PDE1A: variants seen among roughly 807,000 people sequenced by gnomAD.
PDE1A encodes phosphodiesterase 1A.
In PDE1A, 35 loss-of-function variants were observed where a neutral mutation model predicts 61.7. That is an observed-to-expected ratio of 0.57 (90% CI 0.43 to 0.75). The LOEUF is 0.75. Among genes scored for constraint, PDE1A ranks in the 30% least tolerant of loss-of-function variants. The pLI, the probability that PDE1A is intolerant of heterozygous loss-of-function variation, is 0.00. For missense variants in PDE1A, 597 were observed against 630.6 expected, an observed-to-expected ratio of 0.95 and a Z score of 0.57; for synonymous variants, 232 against 213.2, an observed-to-expected ratio of 1.09 and a Z score of -0.77.
intron 8 of PDE1A, among the ~76,000 whole-genome samples, chr2:182,204,785 C>T (rs1431255859): frequency 1.3e-5 from 2 of 152,062 alleles, no homozygotes; most frequent in African/African-American, 4.8e-5. Context: ...AATGGGGGTG[C>T]CCCAACCCCT....
At chr2:182,383,954 G>A (rs1574506994) in intron 1 of PDE1A, among the ~76,000 whole-genome samples, 3 of 152,170 alleles carry the variant, frequency 2.0e-5, no homozygotes, top group African/African-American at 7.2e-5. Flanking sequence ...CATACTCCGT[G>A]ATGGTACTTT....
chr2:182,542,123 GATT>G, the PDE1A span, among the ~76,000 whole-genome samples: 236 of 152,072 alleles, frequency 1.6e-3, 1 homozygote, highest in African/African-American at 5.4e-3. Flanking sequence ...GCTTTTATTA[GATT>G]ATTTTAAAAT....
At chr2:182,522,420 CT>C (rs1690626586) in intron 1 of PDE1A, 2 of 1,611,254 alleles carry the variant, frequency 1.2e-6, no homozygotes, top group Admixed American at 1.7e-5. Flanking sequence ...GTTTCAGCAG[CT>C]AGAACAAGCA....
chr2:182,369,727 A>G (rs1700024500), intron 1 of PDE1A, among the ~76,000 whole-genome samples: 1 of 152,226 alleles, frequency 6.6e-6, no homozygotes, highest in South Asian at 2.1e-4. Flanking sequence ...GTCCATTGAT[A>G]TGGTGAGAAC....
intron 3 of PDE1A, among the ~76,000 whole-genome samples, chr2:182,235,554 G>T (rs1373781847): frequency 6.6e-6 from 1 of 152,166 alleles, no homozygotes; most frequent in African/African-American, 2.4e-5. Context: ...TGTGAGAAAA[G>T]AATCAATATG....
At chr2:182,273,482 TATATATCTTTTGTCAC>T (rs1693182354) in intron 1 of PDE1A, among the ~76,000 whole-genome samples, 1 of 151,444 alleles carries the variant, frequency 6.6e-6, no homozygotes, top group Non-Finnish European at 1.5e-5. Context: ...AATATATATA[TATATATCTTTTGTCAC>T]ATATATCATG....
chr2:182,510,623 A>G (rs1348740844), intron 2 of PDE1A, among the ~76,000 whole-genome samples: 1 of 152,230 alleles, frequency 6.6e-6, no homozygotes, highest in Non-Finnish European at 1.5e-5. Flanking sequence ...CTCAGGTTAT[A>G]ATAAGAAAAG....
At chr2:182,314,788 A>G (rs1696226664) in intron 1 of PDE1A, among the ~76,000 whole-genome samples, 1 of 123,372 alleles carries the variant, frequency 8.1e-6, no homozygotes. Context: ...ATGAATATAT[A>G]TCAAAGCTTA....
At chr2:182,374,375 T>C (rs552465715) in intron 1 of PDE1A, among the ~76,000 whole-genome samples, 1 of 152,186 alleles carries the variant, frequency 6.6e-6, no homozygotes, top group Admixed American at 6.5e-5. Flanking sequence ...TTATAAAGCT[T>C]ATAAAAGAAA....
At chr2:182,685,473 A>G in the PDE1A span, among the ~76,000 whole-genome samples, 4 of 152,328 alleles carry the variant, frequency 2.6e-5, no homozygotes, top group African/African-American at 9.6e-5. Flanking sequence ...GAGTCATACA[A>G]ACTTGGAATT....
At chr2:182,193,178 G>A (rs972224450) in intron 10 of PDE1A, among the ~76,000 whole-genome samples, 7 of 151,926 alleles carry the variant, frequency 4.6e-5, no homozygotes, top group African/African-American at 1.7e-4. Context: ...AGTAGAGACA[G>A]GGTTTCACCA....
chr2:182,545,948 A>C, the PDE1A span, among the ~76,000 whole-genome samples: 2 of 152,208 alleles, frequency 1.3e-5, no homozygotes, highest in Non-Finnish European at 2.9e-5. Flanking sequence ...CAGAGTTTTA[A>C]GAGGACTTTT....
chr2:182,628,749 T>G, the PDE1A span, among the ~76,000 whole-genome samples: 1 of 152,156 alleles, frequency 6.6e-6, no homozygotes, highest in African/African-American at 2.4e-5. Flanking sequence ...TTGATTTGGC[T>G]TTGGTCTTTT....
intron 7 of PDE1A, among the ~76,000 whole-genome samples, chr2:182,220,059 C>T (rs957235172): frequency 1.3e-5 from 2 of 151,900 alleles, no homozygotes; most frequent in Admixed American, 1.3e-4. Flanking sequence ...ACCTACCAGG[C>T]ACTATTACTT....
chr2:182,397,643 A>G (rs760367114), intron 1 of PDE1A, among the ~76,000 whole-genome samples: 20 of 152,266 alleles, frequency 1.3e-4, no homozygotes, highest in Admixed American at 2.6e-4. Flanking sequence ...TTTCAGCAAT[A>G]CAACGGTGTC....
chr2:182,341,498 T>C (rs756005823), intron 1 of PDE1A, among the ~76,000 whole-genome samples: 4 of 152,206 alleles, frequency 2.6e-5, no homozygotes, highest in Non-Finnish European at 5.9e-5. Context: ...AACTCCAATC[T>C]ACCTCATAGT....
chr2:182,419,336 CTTTTT>C (rs35320184), intron 1 of PDE1A, among the ~76,000 whole-genome samples: 1 of 132,638 alleles, frequency 7.5e-6, no homozygotes, highest in Admixed American at 7.6e-5. Flanking sequence ...TTTTTCTTTT[CTTTTT>C]TTTTTTTTTT....
At chr2:182,549,611 A>AG in the PDE1A span, among the ~76,000 whole-genome samples, 1 of 152,148 alleles carries the variant, frequency 6.6e-6, no homozygotes, top group African/African-American at 2.4e-5. Context: ...TTTGTTACAA[A>AG]TCATTCACTA....
rs543326131 is a variant in PDE1A at position 182,380,045 on chromosome 2, T to A, written c.53+46533A>T. Among the ~76,000 whole-genome samples, 13 of 152,172 alleles carry A rather than the reference T, an allele frequency of 8.5e-5. 1 individual carries two copies. The South Asian group carries it at 2.7e-3, about 32-fold the overall frequency. ...TTACTCTATCATGCCTCTCTACATT[T>A]ACCTATTTTCTCCCTGATTCTCCTC... On this transcript the variant is annotated intron_variant, in intron 1 of 13. Coordinates refer to ENST00000351439, the Ensembl canonical transcript of PDE1A.
Sources: gnomAD v4.1 joint callset for allele counts (sites outside exome capture counted in the v4.1 genomes callset) on GRCh38, gnomAD v4.1.1 for gene constraint, MANE v1.5 for transcripts, NCBI Gene and HGNC (gene_info 2026-07-23, HGNC 2026-07-21) for gene names.